The following EYA4 variants were observed in gnomAD, a reference collection of about 807,000 sequenced individuals.
The protein encoded by EYA4 is protein phosphatase EYA4.
Under a neutral mutation model 87.9 loss-of-function variants are expected in EYA4, and 31 were observed. That is an observed-to-expected ratio of 0.35 (90% CI 0.27 to 0.48). The LOEUF (loss-of-function observed/expected upper bound fraction) is 0.48, where lower values mean the gene tolerates loss of function less well. Among genes scored for constraint, EYA4 ranks in the 20% least tolerant of loss-of-function variants. EYA4 has a pLI of 0.99. For missense variants in EYA4, 678 were observed against 761.4 expected (o/e 0.89, Z 1.29); for synonymous variants, 263 against 270.6 (o/e 0.97, Z 0.28).
chr6:133,484,159 G>A (rs962255769), intron 13 of EYA4, among the ~76,000 whole-genome samples: 5 of 152,160 alleles, frequency 3.3e-5, no homozygotes, highest in Admixed American at 3.3e-4. Context: ...TTAAGTCTTA[G>A]ACTCTGTAGG....
chr6:133,517,383 GGAAAA>G (rs1028960941), intron 17 of EYA4, among the ~76,000 whole-genome samples: 75 of 151,748 alleles, frequency 4.9e-4, no homozygotes, highest in Middle Eastern at 6.8e-3. Context: ...AATAAAAGTT[GGAAAA>G]GAAAAGATCA....
chr6:133,309,543 T>C (rs1007198518), intron 2 of EYA4, among the ~76,000 whole-genome samples: 2 of 152,248 alleles, frequency 1.3e-5, no homozygotes, highest in Admixed American at 6.5e-5. Context: ...TCTATTCTGA[T>C]TAAGGCAGTA....
At chr6:133,288,268 G>T (rs1778227993) in intron 2 of EYA4, among the ~76,000 whole-genome samples, 1 of 152,200 alleles carries the variant, frequency 6.6e-6, no homozygotes, top group African/African-American at 2.4e-5. Flanking sequence ...CAGGTGGTGG[G>T]CCATACTTTG....
At chr6:133,314,566 T>A (rs574577891) in intron 2 of EYA4, among the ~76,000 whole-genome samples, 47 of 152,288 alleles carry the variant, frequency 3.1e-4, no homozygotes, top group Non-Finnish European at 5.9e-4. Flanking sequence ...TAGAAAGCAT[T>A]AATTCTCCAA....
At chr6:133,448,002 A>G in intron 4 of EYA4, 109 bp from the exon 5 acceptor site, 1 of 772,812 alleles carries the variant, frequency 1.3e-6, no homozygotes. Context: ...CATACAGTGC[A>G]GTTATAATTT....
Position 133,270,384 on chromosome 6 carries a change from A to G in EYA4, c.-65-4332A>G, listed in dbSNP as rs527715784. Among the ~76,000 whole-genome samples, 10 of 152,368 alleles carry G rather than the reference A, an allele frequency of 6.6e-5. No homozygotes were observed. The South Asian group carries it at 1.9e-3, about 28-fold the overall frequency. On this transcript the variant is annotated intron_variant, in intron 1 of 19. Coordinates refer to ENST00000355286, the MANE Select transcript of EYA4 (RefSeq NM_004100.5). Reference sequence around the variant, plus strand: ...AATACTATTACATAAAGTTAACAATATTTAAATGCCGATATGAAGTCAATA... The same window carrying G: ...AATACTATTACATAAAGTTAACAATGTTTAAATGCCGATATGAAGTCAATA...
intron 2 of EYA4, among the ~76,000 whole-genome samples, chr6:133,309,619 T>A (rs1383281586): frequency 6.6e-6 from 1 of 152,246 alleles, no homozygotes; most frequent in Non-Finnish European, 1.5e-5. Flanking sequence ...CTGGCTTCTT[T>A]CCTCAATAGG....
intron 3 of EYA4, among the ~76,000 whole-genome samples, chr6:133,418,410 A>G (rs1283707386): frequency 6.6e-6 from 1 of 152,172 alleles, no homozygotes; most frequent in African/African-American, 2.4e-5. Context: ...AGTGCCTTAC[A>G]CAGCACCTTG....
intron 14 of EYA4, among the ~76,000 whole-genome samples, chr6:133,511,191 T>C (rs1289078820): frequency 1.3e-5 from 2 of 152,192 alleles, no homozygotes; most frequent in East Asian, 1.9e-4. Flanking sequence ...TTAAACACTT[T>C]CTGTGTGGAA....
intron 1 of EYA4, among the ~76,000 whole-genome samples, chr6:133,272,563 G>A (rs1776787140): frequency 1.3e-5 from 2 of 152,164 alleles, no homozygotes; most frequent in African/African-American, 2.4e-5. Flanking sequence ...GCCCAGTAAT[G>A]GGCCAAGAGC....
intron 17 of EYA4, 94 bp from the exon 18 acceptor site, chr6:133,522,962 A>G: frequency 9.2e-7 from 1 of 1,082,510 alleles, no homozygotes; most frequent in Non-Finnish European, 1.4e-6. Flanking sequence ...GGGACCATTA[A>G]TTAAGGAATT....
At chr6:133,437,673 A>G (rs1454246150) in intron 3 of EYA4, among the ~76,000 whole-genome samples, 1 of 152,192 alleles carries the variant, frequency 6.6e-6, no homozygotes, top group Non-Finnish European at 1.5e-5. Flanking sequence ...GGGAGGCTTC[A>G]GGAAACTTAT....
chr6:133,407,701 C>A (rs1788842206), intron 3 of EYA4, among the ~76,000 whole-genome samples: 1 of 151,582 alleles, frequency 6.6e-6, no homozygotes, highest in East Asian at 1.9e-4. Context: ...GATTCAAATT[C>A]AACTTAGGGT....
At chr6:133,514,581 C>T (rs571826128) in intron 16 of EYA4, among the ~76,000 whole-genome samples, 5 of 152,164 alleles carry the variant, frequency 3.3e-5, no homozygotes, top group East Asian at 1.9e-4. Context: ...TATGTGCTCC[C>T]GATATTCTAA....
At chr6:133,394,068 G>A (rs1787543839) in intron 3 of EYA4, among the ~76,000 whole-genome samples, 2 of 152,066 alleles carry the variant, frequency 1.3e-5, no homozygotes, top group Non-Finnish European at 2.9e-5. Context: ...TTTTCAATAA[G>A]CCAATGGATG....
chr6:133,306,833 T>C (rs1031982924), intron 2 of EYA4, among the ~76,000 whole-genome samples: 24 of 152,160 alleles, frequency 1.6e-4, no homozygotes, highest in African/African-American at 5.8e-4. Context: ...ACAGAGATCC[T>C]CAGTAAGAAC....
chr6:133,344,226 A>G (rs138110795), intron 2 of EYA4, among the ~76,000 whole-genome samples: 1 of 152,344 alleles, frequency 6.6e-6, no homozygotes, highest in African/African-American at 2.4e-5. Flanking sequence ...GCCTTTGTCT[A>G]CATGACTTGT....
chr6:133,410,044 C>T (rs867544921), intron 3 of EYA4, among the ~76,000 whole-genome samples: 3 of 152,048 alleles, frequency 2.0e-5, no homozygotes, highest in Non-Finnish European at 4.4e-5. Context: ...ACTTCAAATA[C>T]GTCAGCCTAT....
chr6:133,523,221 T>G, intron 18 of EYA4, 44 bp downstream of exon 18: 1 of 1,594,706 alleles, frequency 6.3e-7, no homozygotes, highest in Non-Finnish European at 8.6e-7. Context: ...TGTCCACATC[T>G]GTGTGTCTCT....
Sources: allele counts gnomAD v4.1 joint callset (sites outside exome capture counted in the v4.1 genomes callset), GRCh38; gene constraint gnomAD v4.1.1; transcripts MANE v1.5; gene names NCBI Gene and HGNC (gene_info 2026-07-23, HGNC 2026-07-21).